Variants in ANKS1B observed in about 807,000 individuals in gnomAD.
The protein encoded by ANKS1B is ankyrin repeat and sterile alpha motif domain containing 1B.
ANKS1B carries 36 observed loss-of-function variants against 148.3 expected under a neutral mutation model. The observed-to-expected ratio is 0.24, with a 90% CI of 0.19 to 0.32. The LOEUF (loss-of-function observed/expected upper bound fraction) is 0.32. Ranked by LOEUF, ANKS1B falls within the 10% of genes least tolerant of loss-of-function variation. The probability of loss-of-function intolerance (pLI) is 1.00; values close to 1 mark genes in which losing one functional copy is unlikely to be tolerated. For synonymous variants in ANKS1B, 542 were observed against 560.8 expected (o/e 0.97, Z 0.47); for missense variants, 1,157 against 1,542.6 (o/e 0.75, Z 4.19).
In ANKS1B at chr12:98,763,614, GC is replaced by G. The variant is rs567791630; in HGVS notation, c.3579+9427del. On this transcript the variant is annotated intron_variant, in intron 25 of 26. Coordinates refer to ENST00000683438, the MANE Select transcript of ANKS1B (RefSeq NM_001352186.2). The stretch of plus-strand genomic sequence containing the variant: ...TGTGAAATTCCACTGTTGGGATATG[GC>G]TACTGCTAACATCTTGGTGCATTTT... 5.9e-5 allele frequency among the ~76,000 whole-genome samples: 9 copies of G among 152,246 alleles called. No individual in the cohort carries two copies. The South Asian group carries it at 1.9e-3, about 32-fold the overall frequency.
At chr12:99,643,125 G>C (rs965646615) in intron 9 of ANKS1B, among the ~76,000 whole-genome samples, 1 of 152,162 alleles carries the variant, frequency 6.6e-6, no homozygotes, top group Non-Finnish European at 1.5e-5. Context: ...GCATTATGCT[G>C]TCTTTATCAC....
intron 12 of ANKS1B, among the ~76,000 whole-genome samples, chr12:99,335,811 G>A (rs532013551): frequency 2.6e-5 from 4 of 152,226 alleles, no homozygotes; most frequent in African/African-American, 9.6e-5. Flanking sequence ...GAATAGTGCT[G>A]CAATAAACAT....
intron 17 of ANKS1B, among the ~76,000 whole-genome samples, chr12:98,866,608 A>G (rs541485832): frequency 6.6e-6 from 1 of 152,206 alleles, no homozygotes; most frequent in Admixed American, 6.5e-5. Flanking sequence ...CTCTAAATGC[A>G]CCAAGTTCCC....
At chr12:99,257,268 C>T (rs1159827691) in intron 12 of ANKS1B, among the ~76,000 whole-genome samples, 1 of 152,026 alleles carries the variant, frequency 6.6e-6, no homozygotes, top group Non-Finnish European at 1.5e-5. Flanking sequence ...TATTTCATCC[C>T]GAGTCTCTGA....
intron 12 of ANKS1B, among the ~76,000 whole-genome samples, chr12:99,369,791 T>TAGATAGATAGACGGAC (rs879173702): frequency 0.02 from 2,943 of 148,872 alleles, 40 homozygotes; most frequent in African/African-American, 0.023. Flanking sequence ...GATAGATAGA[T>TAGATAGATAGACGGAC]GGACGGACGG....
intron 17 of ANKS1B, among the ~76,000 whole-genome samples, chr12:98,998,395 C>G (rs1208725026): frequency 3.3e-5 from 5 of 152,052 alleles, no homozygotes; most frequent in African/African-American, 1.2e-4. Flanking sequence ...ACATGTAAAC[C>G]TGGATCAAAT....
At chr12:99,451,786 C>CATGTGTGTGT (rs1555437536) in intron 10 of ANKS1B, among the ~76,000 whole-genome samples, 3 of 150,428 alleles carry the variant, frequency 2.0e-5, no homozygotes, top group Admixed American at 2.0e-4. Flanking sequence ...TGTACAGATA[C>CATGTGTGTGT]GTGTGTGTGT....
chr12:99,975,006 G>A (rs1348277135), intron 1 of ANKS1B, among the ~76,000 whole-genome samples: 1 of 152,054 alleles, frequency 6.6e-6, no homozygotes, highest in African/African-American at 2.4e-5. Context: ...CAAAAAATTG[G>A]TTGGGCATGG....
intron 4 of ANKS1B, among the ~76,000 whole-genome samples, chr12:99,794,745 G>A (rs999647139): frequency 1.8e-4 from 28 of 151,690 alleles, no homozygotes; most frequent in East Asian, 5.8e-4. Flanking sequence ...TGGTTAAAGC[G>A]TACAAAAAAT....
chr12:99,044,891 C>CT (rs1288744916), intron 17 of ANKS1B, among the ~76,000 whole-genome samples: 1 of 152,034 alleles, frequency 6.6e-6, no homozygotes, highest in East Asian at 1.9e-4. Flanking sequence ...GGGTAAGTGA[C>CT]TTTTTTTAAG....
intron 14 of ANKS1B, among the ~76,000 whole-genome samples, chr12:99,164,611 T>C (rs1043786231): frequency 4.6e-5 from 7 of 152,062 alleles, no homozygotes; most frequent in African/African-American, 1.7e-4. Context: ...TATTTCCCTC[T>C]CAAAAACGCT....
intron 17 of ANKS1B, among the ~76,000 whole-genome samples, chr12:98,940,713 ATGAG>A (rs771656325): frequency 2.0e-5 from 3 of 152,192 alleles, no homozygotes; most frequent in African/African-American, 4.8e-5. Context: ...TATTTGTTGA[ATGAG>A]TGAGTGAGGC....
At chr12:98,886,581 G>A (rs1008693593) in intron 17 of ANKS1B, among the ~76,000 whole-genome samples, 5 of 152,200 alleles carry the variant, frequency 3.3e-5, no homozygotes, top group Non-Finnish European at 5.9e-5. Context: ...TCAAAGATAT[G>A]ATACAGTATC....
At chr12:99,016,152 C>T (rs2099942411) in intron 17 of ANKS1B, among the ~76,000 whole-genome samples, 4 of 152,144 alleles carry the variant, frequency 2.6e-5, no homozygotes, top group South Asian at 4.1e-4. Flanking sequence ...CTTATACTTA[C>T]CAGAAAACTA....
intron 12 of ANKS1B, among the ~76,000 whole-genome samples, chr12:99,378,002 A>T (rs998368117): frequency 6.6e-6 from 1 of 152,182 alleles, no homozygotes; most frequent in African/African-American, 2.4e-5. Context: ...CAGATGGCAA[A>T]CAATTCTTTA....
intron 22 of ANKS1B, among the ~76,000 whole-genome samples, chr12:98,792,975 A>C (rs1447022216): frequency 6.6e-6 from 1 of 152,226 alleles, no homozygotes; most frequent in Non-Finnish European, 1.5e-5. Context: ...CTTTGGATAT[A>C]TACCCAATAG....
At chr12:99,126,031 C>T (rs2153737780) in intron 15 of ANKS1B, among the ~76,000 whole-genome samples, 1 of 152,142 alleles carries the variant, frequency 6.6e-6, no homozygotes, top group South Asian at 2.1e-4. Flanking sequence ...AACACCAAAC[C>T]CCCAAAACAC....
At chr12:98,878,264 T>C (rs953919061) in intron 17 of ANKS1B, among the ~76,000 whole-genome samples, 2 of 151,034 alleles carry the variant, frequency 1.3e-5, no homozygotes, top group African/African-American at 4.9e-5. Context: ...GTTAGCCTGA[T>C]ATTTTGTCCT....
At chr12:99,966,941 A>G (rs2153835337) in intron 1 of ANKS1B, among the ~76,000 whole-genome samples, 1 of 152,302 alleles carries the variant, frequency 6.6e-6, no homozygotes, top group East Asian at 1.9e-4. Context: ...AGCAAAAGGA[A>G]AAAAGCAATC....
Sources: gnomAD v4.1 joint callset for allele counts (sites outside exome capture counted in the v4.1 genomes callset) on GRCh38, gnomAD v4.1.1 for gene constraint, MANE v1.5 for transcripts, NCBI Gene and HGNC (gene_info 2026-07-23, HGNC 2026-07-21) for gene names.